ETV6: variants seen among roughly 807,000 people sequenced by gnomAD.
ETV6 encodes ETS variant transcription factor 6.
Under a neutral mutation model 51.1 loss-of-function variants are expected in ETV6, and 16 were observed. The ratio of observed to expected loss-of-function variants is 0.31; its 90% CI spans 0.21 to 0.48. The LOEUF is 0.48. ETV6 is among the 20% of genes least tolerant of loss of function. The pLI, the probability that ETV6 is intolerant of heterozygous loss-of-function variation, is 0.99. For synonymous variants in ETV6, 240 were observed against 224.1 expected (o/e 1.07, Z -0.64); for missense variants, 458 against 594.8 (o/e 0.77, Z 2.39).
At chr12:11,779,172 G>A (rs921981955) in intron 2 of ETV6, among the ~76,000 whole-genome samples, 1 of 152,124 alleles carries the variant, frequency 6.6e-6, no homozygotes, top group African/African-American at 2.4e-5. Context: ...GCGTATATTT[G>A]TGCATGCTTT....
chr12:11,722,677 CA>C (rs1243031992), intron 1 of ETV6, among the ~76,000 whole-genome samples: 1 of 152,204 alleles, frequency 6.6e-6, no homozygotes, highest in African/African-American at 2.4e-5. Flanking sequence ...GTTACTCTCC[CA>C]AACCCCAGTT....
chr12:11,658,302 C>T (rs990250855), intron 1 of ETV6, among the ~76,000 whole-genome samples: 3 of 152,222 alleles, frequency 2.0e-5, no homozygotes, highest in Admixed American at 6.5e-5. Context: ...ATGCCGAGAT[C>T]TCAGCTCACT....
intron 4 of ETV6, among the ~76,000 whole-genome samples, chr12:11,856,542 C>G (rs114509782): frequency 1.3e-5 from 2 of 152,110 alleles, no homozygotes; most frequent in African/African-American, 4.8e-5. Context: ...TTCCAAGGCA[C>G]AGAAGTGATA....
chr12:11,836,840 T>G (rs1021450305), intron 2 of ETV6, among the ~76,000 whole-genome samples: 1 of 152,200 alleles, frequency 6.6e-6, no homozygotes, highest in African/African-American at 2.4e-5. Context: ...TTTTCCTGTT[T>G]CTGCCTGAGC....
At chr12:11,738,260 CCTCT>C (rs1340711891) in intron 1 of ETV6, among the ~76,000 whole-genome samples, 4 of 145,856 alleles carry the variant, frequency 2.7e-5, no homozygotes, top group Non-Finnish European at 4.5e-5. Flanking sequence ...CTCCTTCCTT[CCTCT>C]CTCTTTCTCT....
intron 4 of ETV6, among the ~76,000 whole-genome samples, chr12:11,864,762 AAAAG>A (rs1284812068): frequency 1.3e-5 from 2 of 152,176 alleles, no homozygotes; most frequent in African/African-American, 4.8e-5. Context: ...TTAAAAAAAA[AAAAG>A]CTTTTTATAA....
At position 11,894,873 on chromosome 12, in the gene ETV6, A is replaced by G. The variant is rs1410158503; in HGVS notation, c.*3827A>G. 8.6e-6 allele frequency: 2 copies of G among 233,544 alleles called. No individual in the cohort carries two copies. The highest frequency in any genetic ancestry group is 1.7e-5 in the Non-Finnish European group (2 of 118,026). The allele number at this position is 233,544 out of a possible 1,614,324, so 14.5% of individuals were successfully genotyped here. ...TCCCACCCAGGAAACTGAAGATAAA[A>G]GATTTGGGAAAACACACCAAGAAAA... On this transcript the variant is annotated 3_prime_UTR_variant, in exon 8 of 8. Coordinates refer to ENST00000396373, the MANE Select transcript of ETV6 (RefSeq NM_001987.5).
At chr12:11,875,704 T>G (rs146775469) in intron 5 of ETV6, among the ~76,000 whole-genome samples, 39 of 152,342 alleles carry the variant, frequency 2.6e-4, no homozygotes, top group Middle Eastern at 3.4e-3. Context: ...TTCTGTTCAG[T>G]GTTTTTCCCA....
chr12:11,879,966 T>A (rs2136576179), intron 5 of ETV6, among the ~76,000 whole-genome samples: 1 of 150,912 alleles, frequency 6.6e-6, no homozygotes, highest in African/African-American at 2.4e-5. Context: ...CTAAAGAGGA[T>A]CTGCCTTTTA....
At chr12:11,783,132 A>T (rs1945435021) in intron 2 of ETV6, among the ~76,000 whole-genome samples, 1 of 152,148 alleles carries the variant, frequency 6.6e-6, no homozygotes, top group African/African-American at 2.4e-5. Flanking sequence ...GGCAGATCAG[A>T]TGAGGAGCAA....
At chr12:11,795,231 A>G (rs772561125) in intron 2 of ETV6, among the ~76,000 whole-genome samples, 1 of 152,276 alleles carries the variant, frequency 6.6e-6, no homozygotes, top group Admixed American at 6.5e-5. Flanking sequence ...TGGTTAAAGC[A>G]GAATATACTT....
At chr12:11,734,726 A>G (rs968478337) in intron 1 of ETV6, among the ~76,000 whole-genome samples, 1 of 152,088 alleles carries the variant, frequency 6.6e-6, no homozygotes, top group African/African-American at 2.4e-5. Context: ...CGGTGTTGCT[A>G]TTACTCCATT....
At chr12:11,830,640 G>A (rs1475702761) in intron 2 of ETV6, among the ~76,000 whole-genome samples, 1 of 152,216 alleles carries the variant, frequency 6.6e-6, no homozygotes, top group Non-Finnish European at 1.5e-5. Flanking sequence ...TGGCTCAGAT[G>A]TGGACTGCCT....
intron 1 of ETV6, among the ~76,000 whole-genome samples, chr12:11,659,466 C>A (rs1459416426): frequency 1.3e-5 from 2 of 152,182 alleles, no homozygotes; most frequent in Non-Finnish European, 2.9e-5. Flanking sequence ...CTCTGATCTT[C>A]TCCTGGAAAC....
At chr12:11,831,644 T>C (rs1391815545) in intron 2 of ETV6, among the ~76,000 whole-genome samples, 2 of 152,246 alleles carry the variant, frequency 1.3e-5, no homozygotes, top group African/African-American at 4.8e-5. Context: ...GTCAATTCTT[T>C]GAATATTTTT....
In ETV6 at chr12:11,687,212, CT is replaced by C. The variant is rs1183564722; in HGVS notation, c.33+37068del. Among the ~76,000 whole-genome samples, 600 of 87,650 alleles carry C rather than the reference CT, an allele frequency of 6.8e-3. 7 individuals carry two copies. Among genetic ancestry groups the C allele is most frequent in the East Asian group, 0.022 (61 of 2,720 alleles). 57.5% of individuals were successfully genotyped at this position (87,650 alleles called of 152,430 possible). On this transcript the variant is annotated intron_variant, in intron 1 of 7. Transcript: ENST00000396373. The stretch of plus-strand genomic sequence containing the variant: ...CCCACCGCCCCACCTTTTTTCTGTT[CT>C]TTTTTTTTTTTTTTTCAGCTCACTG...
At chr12:11,735,649 G>A (rs1865690304) in intron 1 of ETV6, among the ~76,000 whole-genome samples, 2 of 152,204 alleles carry the variant, frequency 1.3e-5, no homozygotes, top group South Asian at 4.1e-4. Flanking sequence ...TGCCCAGGCT[G>A]GAGTGCAATG....
intron 1 of ETV6, among the ~76,000 whole-genome samples, chr12:11,679,964 A>G (rs1864496116): frequency 1.3e-5 from 2 of 152,240 alleles, no homozygotes; most frequent in Admixed American, 1.3e-4. Context: ...TAGTGAGACT[A>G]ACACTTGGCT....
intron 7 of ETV6, among the ~76,000 whole-genome samples, chr12:11,887,131 G>A (rs1009363280): frequency 6.6e-6 from 1 of 152,148 alleles, no homozygotes; most frequent in Non-Finnish European, 1.5e-5. Context: ...TCAGGAAAGG[G>A]AAACAGAATA....
Sources: allele counts gnomAD v4.1 joint callset (sites outside exome capture counted in the v4.1 genomes callset), GRCh38; gene constraint gnomAD v4.1.1; transcripts MANE v1.5; gene names NCBI Gene and HGNC (gene_info 2026-07-23, HGNC 2026-07-21).